Variants in KAZN observed in about 807,000 individuals in gnomAD.
The protein encoded by KAZN is kazrin, periplakin interacting protein, also known as kazrin.
A neutral mutation model predicts 87.4 loss-of-function variants in KAZN; 40 were observed. That is an observed-to-expected ratio of 0.46 (90% CI 0.36 to 0.60). KAZN has a LOEUF of 0.60. KAZN is among the 20% of genes least tolerant of loss of function. The pLI, the probability that KAZN is intolerant of heterozygous loss-of-function variation, is 0.00. For missense variants in KAZN, 898 were observed against 1,073.9 expected (o/e 0.84, Z 2.29); for synonymous variants, 466 against 458.3 (o/e 1.02, Z -0.22).
Position 14,296,825 on chromosome 1 carries a change from C to T in KAZN, c.249+116233C>T, listed in dbSNP as rs187787860. Reference sequence around the variant, plus strand: ...TACTTTTTTGTATTTTTAGTAGAGACGGGATTTCACCATGTTGGCCAGGAT... The same window carrying T: ...TACTTTTTTGTATTTTTAGTAGAGATGGGATTTCACCATGTTGGCCAGGAT... On this transcript the variant is annotated intron_variant, in intron 2 of 16. Coordinates refer to the KAZN transcript ENST00000636203. 7.9e-5 allele frequency among the ~76,000 whole-genome samples: 12 copies of T among 151,866 alleles called. No individual in the cohort carries two copies. In the East Asian group the frequency reaches 1.2e-3, roughly 15 times the overall value.
chr1:13,910,985 A>G (rs972232556), intron 1 of KAZN, among the ~76,000 whole-genome samples: 6 of 152,082 alleles, frequency 3.9e-5, no homozygotes, highest in African/African-American at 1.4e-4. Context: ...AAGGGGAAGG[A>G]GGTGCATGAC....
chr1:14,505,170 T>C (rs1456909495), intron 2 of KAZN, among the ~76,000 whole-genome samples: 10 of 152,206 alleles, frequency 6.6e-5, no homozygotes, highest in Admixed American at 6.5e-4. Flanking sequence ...AGAATAGCCA[T>C]GCTGATGGGC....
At chr1:13,935,505 G>A (rs1380065956) in intron 1 of KAZN, among the ~76,000 whole-genome samples, 1 of 152,168 alleles carries the variant, frequency 6.6e-6, no homozygotes, top group Non-Finnish European at 1.5e-5. Flanking sequence ...AACGTTGGCT[G>A]TTTTCCAAGA....
intron 13 of KAZN, among the ~76,000 whole-genome samples, chr1:15,110,161 GTGTT>G (rs769202633): frequency 9.6e-5 from 14 of 145,426 alleles, no homozygotes; most frequent in South Asian, 2.2e-4. Context: ...GTGTGCATAT[GTGTT>G]TGTGTGTGTA....
chr1:14,760,363 A>AT (rs1302268454), intron 1 of KAZN, among the ~76,000 whole-genome samples: 2 of 152,202 alleles, frequency 1.3e-5, no homozygotes, highest in Non-Finnish European at 2.9e-5. Flanking sequence ...CAGGCGTGGA[A>AT]TTAAATGGTT....
chr1:14,044,328 A>C (rs1007736890), intron 1 of KAZN, among the ~76,000 whole-genome samples: 9 of 152,170 alleles, frequency 5.9e-5, no homozygotes, highest in Admixed American at 5.9e-4. Flanking sequence ...ATGATAATTT[A>C]CCAGGCATTT....
chr1:14,096,027 G>T (rs1330515620), intron 1 of KAZN, among the ~76,000 whole-genome samples: 1 of 152,128 alleles, frequency 6.6e-6, no homozygotes, highest in East Asian at 1.9e-4. Flanking sequence ...CTTCTTATAG[G>T]CTAAAAATGG....
At chr1:15,027,825 G>GTTGT (rs75138304) in intron 2 of KAZN, among the ~76,000 whole-genome samples, 22,576 of 151,918 alleles carry the variant, frequency 0.15, 2,089 homozygotes, top group East Asian at 0.47. Flanking sequence ...GCCCACAGTG[G>GTTGT]TTGTTTGTTT....
intron 8 of KAZN, among the ~76,000 whole-genome samples, chr1:15,082,550 C>T (rs766620335): frequency 1.6e-4 from 24 of 152,148 alleles, no homozygotes; most frequent in South Asian, 4.1e-4. Flanking sequence ...TAGCTGCTGC[C>T]AAGGGTGTCT....
chr1:14,398,354 G>A (rs531675182), intron 2 of KAZN, among the ~76,000 whole-genome samples: 3 of 152,300 alleles, frequency 2.0e-5, no homozygotes, highest in African/African-American at 4.8e-5. Context: ...CTGTGATTTT[G>A]GGCAAGGCAC....
intron 2 of KAZN, among the ~76,000 whole-genome samples, chr1:14,215,937 A>G (rs193202870): frequency 7.5e-4 from 115 of 152,320 alleles, no homozygotes; most frequent in African/African-American, 2.6e-3. Context: ...TTCCCAGCTA[A>G]AACATACTAT....
intron 10 of KAZN, among the ~76,000 whole-genome samples, chr1:15,101,009 G>A (rs1454828937): frequency 6.6e-6 from 1 of 152,132 alleles, no homozygotes; most frequent in Non-Finnish European, 1.5e-5. Context: ...GGAGGGGCGG[G>A]GTCCCCAGAG....
intron 1 of KAZN, among the ~76,000 whole-genome samples, chr1:13,964,953 TG>T (rs936756468): frequency 6.6e-6 from 1 of 151,856 alleles, no homozygotes; most frequent in African/African-American, 2.4e-5. Context: ...GTGAGGCAAG[TG>T]GTGTAGATAA....
intron 1 of KAZN, among the ~76,000 whole-genome samples, chr1:14,069,417 G>C (rs1313739665): frequency 6.6e-6 from 1 of 152,314 alleles, no homozygotes; most frequent in South Asian, 2.1e-4. Context: ...TTCATGCACT[G>C]TGCGCTGGGA....
At chr1:14,502,708 GT>G (rs1474150883) in intron 2 of KAZN, among the ~76,000 whole-genome samples, 28 of 152,310 alleles carry the variant, frequency 1.8e-4, no homozygotes, top group African/African-American at 6.0e-4. Flanking sequence ...TGAGCACTGT[GT>G]GATGACCACA....
intron 2 of KAZN, among the ~76,000 whole-genome samples, chr1:14,572,807 A>G (rs778796139): frequency 8.5e-5 from 13 of 152,350 alleles, no homozygotes; most frequent in Non-Finnish European, 4.4e-5. Context: ...AGACTCATAG[A>G]AAAGACCCCC....
rs937317043 is a variant in KAZN, at chr1:15,081,462, G to A, written c.1223-12718G>A. On this transcript the variant is annotated intron_variant, in intron 8 of 14. Coordinates refer to ENST00000376030, the MANE Select transcript of KAZN (RefSeq NM_201628.3). This position sits in a 1 kb window ranked among gnomAD's most constrained non-coding sequence, Gnocchi z 4.1. ...AGCGCCTGCTCATGTGCAGTTTATG[G>A]TCTGGTGGGAGACACAGACTTTCAT... 6.6e-6 allele frequency among the ~76,000 whole-genome samples: 1 copy of A among 152,238 alleles called. No homozygotes were observed. Among genetic ancestry groups the A allele is most frequent in the African/African-American group, 2.4e-5 (1 of 41,454 alleles).
intron 1 of KAZN, among the ~76,000 whole-genome samples, chr1:14,620,079 T>A (rs752672729): frequency 6.6e-6 from 1 of 152,234 alleles, no homozygotes; most frequent in Non-Finnish European, 1.5e-5. Flanking sequence ...GTTACCCATC[T>A]GTACAATAGT....
At chr1:14,836,190 G>A (rs568632259) in intron 1 of KAZN, among the ~76,000 whole-genome samples, 6 of 152,286 alleles carry the variant, frequency 3.9e-5, no homozygotes, top group East Asian at 1.9e-4. Flanking sequence ...TCTGGTGCTC[G>A]CTAAAGACTC....
Sources: allele counts gnomAD v4.1 joint callset (sites outside exome capture counted in the v4.1 genomes callset), GRCh38; gene constraint gnomAD v4.1.1; non-coding constraint Gnocchi (gnomAD v3.1); transcripts MANE v1.5; gene names NCBI Gene and HGNC (gene_info 2026-07-23, HGNC 2026-07-21).